The following SESTD1 variants were observed in gnomAD, a reference collection of about 807,000 sequenced individuals.
SESTD1 encodes SEC14 domain and spectrin repeat-containing protein 1.
Under a neutral mutation model 101.7 loss-of-function variants are expected in SESTD1, and 43 were observed. The ratio of observed to expected loss-of-function variants is 0.42; its 90% confidence interval spans 0.33 to 0.55. The LOEUF is 0.55. SESTD1 is among the 20% of genes least tolerant of loss of function. SESTD1 has a pLI of 0.07. For missense variants in SESTD1, 647 were observed against 815.1 expected (o/e 0.79, Z 2.51); for synonymous variants, 283 against 286.8 (o/e 0.99, Z 0.13).
chr2:179,230,113 C>CTTTTTTTTTTTTTTTTT lies in SESTD1; in HGVS notation c.-26+34369_-26+34385dup, dbSNP rs71023474. Among the ~76,000 whole-genome samples, 16 of 56,422 alleles carry CTTTTTTTTTTTTTTTTT rather than the reference C, an allele frequency of 2.8e-4. 4 individuals carry two copies. The highest frequency in any genetic ancestry group is 1.2e-3 in the Admixed American group (4 of 3,420). The allele number at this position is 56,422 out of a possible 152,430, so 37.0% of individuals were successfully genotyped here. On this transcript the variant is annotated intron_variant, in intron 1 of 17. Coordinates refer to ENST00000428443, the MANE Select transcript of SESTD1 (RefSeq NM_178123.5). ...AAATATTCCAAACTGGATTGTATCT[C>CTTTTTTTTTTTTTTTTT]TTTTTTTTTTTTTTTTTTTTTTTTT... is the stretch of plus-strand genomic sequence containing the variant.
intron 1 of SESTD1, among the ~76,000 whole-genome samples, chr2:179,221,813 A>G (rs911365845): frequency 6.6e-6 from 1 of 151,630 alleles, no homozygotes; most frequent in Non-Finnish European, 1.5e-5. Context: ...CCAGCTACTC[A>G]GGAGTCTGAG....
At chr2:179,237,457 A>T (rs1451838143) in intron 1 of SESTD1, among the ~76,000 whole-genome samples, 1 of 152,214 alleles carries the variant, frequency 6.6e-6, no homozygotes, top group African/African-American at 2.4e-5. Context: ...CATAAAATTT[A>T]GCATCTATTA....
At chr2:179,124,950 A>ACAT (rs2044836980) in intron 10 of SESTD1, among the ~76,000 whole-genome samples, 1 of 152,082 alleles carries the variant, frequency 6.6e-6, no homozygotes, top group African/African-American at 2.4e-5. Flanking sequence ...CTGTTAGATT[A>ACAT]CATCTTTTCA....
At chr2:179,240,243 C>A (rs2047131370) in intron 1 of SESTD1, among the ~76,000 whole-genome samples, 2 of 152,246 alleles carry the variant, frequency 1.3e-5, no homozygotes, top group Non-Finnish European at 2.9e-5. Flanking sequence ...CTCTGAATAA[C>A]AGACGAAGAA....
intron 1 of SESTD1, among the ~76,000 whole-genome samples, chr2:179,259,768 C>T (rs2047455670): frequency 6.6e-6 from 1 of 152,162 alleles, no homozygotes; most frequent in Non-Finnish European, 1.5e-5. Flanking sequence ...ACATCTATTA[C>T]ATGCTAGAAA....
At chr2:179,171,369 G>A (rs1261979753) in intron 5 of SESTD1, among the ~76,000 whole-genome samples, 12 of 151,980 alleles carry the variant, frequency 7.9e-5, no homozygotes. Flanking sequence ...CACTGATATT[G>A]ACCTCGGTAA....
chr2:179,135,507 ACTTTGGGAGG>A (rs2045121004), intron 9 of SESTD1, among the ~76,000 whole-genome samples: 1 of 152,166 alleles, frequency 6.6e-6, no homozygotes, highest in Admixed American at 6.5e-5. Context: ...TAATCCCAGC[ACTTTGGGAGG>A]CTGAGGTGGG....
At chr2:179,124,298 A>G (rs1332400183) in intron 11 of SESTD1, 66 bp downstream of exon 11, 14 of 1,475,944 alleles carry the variant, frequency 9.5e-6, no homozygotes, top group Non-Finnish European at 1.3e-5. Flanking sequence ...AAACCTGAAA[A>G]AAATTACGTG....
intron 17 of SESTD1, 100 bp downstream of exon 17, chr2:179,112,624 C>T (rs1046262970): frequency 1.4e-6 from 2 of 1,403,422 alleles, no homozygotes; most frequent in Non-Finnish European, 9.4e-7. Flanking sequence ...TGGACCAAAC[C>T]TAATTTACTT....
At chr2:179,262,043 G>T (rs769575818) in intron 1 of SESTD1, among the ~76,000 whole-genome samples, 1 of 152,076 alleles carries the variant, frequency 6.6e-6, no homozygotes, top group Non-Finnish European at 1.5e-5. Flanking sequence ...TGCCATAAAA[G>T]GAATGAAATA....
chr2:179,162,568 A>C (rs1175232785), intron 5 of SESTD1: 1 of 147,948 alleles, frequency 6.8e-6, no homozygotes, highest in Non-Finnish European at 1.5e-5. Context: ...AGAAACAGGC[A>C]GACATTATTA....
intron 1 of SESTD1, among the ~76,000 whole-genome samples, chr2:179,250,612 G>C (rs1387966160): frequency 6.6e-6 from 1 of 152,038 alleles, no homozygotes; most frequent in Non-Finnish European, 1.5e-5. Context: ...CATATCCCTG[G>C]TGTCTGTGTG....
chr2:179,112,740 C>G lies in SESTD1; in HGVS notation c.1945G>C (p.Val649Leu), dbSNP rs143992866. ...KSLLDRLTVP[V>L]VYPDGTEQYF... is the part of the protein sequence containing the mutation. ...GCCCCATACCCATCAGGATAAACTA[C>G]TGGAACAGTTAATCTATCCAAAAGT... is the stretch of plus-strand genomic sequence containing the variant. Residue 649 changes from valine (V) to leucine (L), a missense_variant, in exon 17 of 18, where the codon GTA becomes CTA. Physicochemically the swap from Val to Leu is conservative, Grantham distance 32 (BLOSUM62 1). This residue lies in a region of SESTD1 where 476 missense variants were observed against 562.6 expected (regional missense o/e 0.85). Coordinates refer to ENST00000428443, the MANE Select transcript of SESTD1 (RefSeq NM_178123.5). 3 of 1,612,356 alleles carry G rather than the reference C, an allele frequency of 1.9e-6. No individual in the cohort carries two copies. The highest frequency in any genetic ancestry group is 2.5e-6 in the Non-Finnish European group (3 of 1,179,826).
chr2:179,238,566 T>C (rs577457588), intron 1 of SESTD1, among the ~76,000 whole-genome samples: 124 of 152,304 alleles, frequency 8.1e-4, no homozygotes, highest in South Asian at 1.9e-3. Flanking sequence ...ATCAGCCCCT[T>C]TGAAGTAGTC....
At chr2:179,185,382 T>G (rs2046194086) in intron 2 of SESTD1, among the ~76,000 whole-genome samples, 1 of 146,314 alleles carries the variant, frequency 6.8e-6, no homozygotes, top group Admixed American at 6.9e-5. Context: ...CAATATATAT[T>G]ACATATTGTA....
intron 1 of SESTD1, among the ~76,000 whole-genome samples, chr2:179,241,522 T>C (rs1206517807): frequency 6.6e-6 from 1 of 151,944 alleles, no homozygotes; most frequent in African/African-American, 2.4e-5. Context: ...AGATTGCTCA[T>C]CAAAAGCCAC....
intron 2 of SESTD1, among the ~76,000 whole-genome samples, chr2:179,185,831 AAT>A (rs2046219320): frequency 1.5e-5 from 2 of 131,630 alleles, no homozygotes; most frequent in South Asian, 2.2e-4. Context: ...TATTATATAT[AAT>A]ATATAATATA....
chr2:179,175,996 T>A (rs868556841), intron 4 of SESTD1, among the ~76,000 whole-genome samples: 1 of 152,108 alleles, frequency 6.6e-6, no homozygotes, highest in Admixed American at 6.6e-5. Flanking sequence ...ATGTAGGAAA[T>A]AGGGGACCAG....
rs529203570 is a variant in SESTD1 at position 179,207,521 on chromosome 2, T to A, written c.-25-15655A>T. 5.2e-5 allele frequency among the ~76,000 whole-genome samples: 7 copies of A among 135,150 alleles called. 1 individual carries two copies. The highest frequency in any genetic ancestry group is 1.1e-4 in the Non-Finnish European group (7 of 62,738). The allele number at this position is 135,150 out of a possible 152,430, so 88.7% of individuals were successfully genotyped here. On this transcript the variant is annotated intron_variant, in intron 1 of 17. Coordinates refer to ENST00000428443, the MANE Select transcript of SESTD1 (RefSeq NM_178123.5). Reference sequence around the variant, plus strand: ...CCACCTCCACCTGAGCAGGTGCTGATAACCACAGAGGGGAGACCTAAAGAC... The same window carrying A: ...CCACCTCCACCTGAGCAGGTGCTGAAAACCACAGAGGGGAGACCTAAAGAC...
Sources: gnomAD v4.1 joint callset for allele counts (sites outside exome capture counted in the v4.1 genomes callset) on GRCh38, gnomAD v4.1.1 for gene constraint, gnomAD v4.1.1 regional missense constraint, MANE v1.5 for transcripts, NCBI Gene and HGNC (gene_info 2026-07-23, HGNC 2026-07-21) for gene names.